FOXK1: variants seen among roughly 807,000 people sequenced by gnomAD.
The protein encoded by FOXK1 is forkhead box K1, also known as forkhead box protein K1.
In FOXK1, 19 loss-of-function variants were observed where a neutral mutation model predicts 51.9. The ratio of observed to expected loss-of-function variants is 0.37; its 90% CI spans 0.26 to 0.54. The LOEUF is 0.54. Among genes scored for constraint, FOXK1 ranks in the 20% least tolerant of loss-of-function variants. The probability of loss-of-function intolerance (pLI) is 0.87; values close to 1 mark genes in which losing one functional copy is unlikely to be tolerated. For missense variants in FOXK1, 870 were observed against 1,032.7 expected (o/e 0.84, Z 2.16); for synonymous variants, 537 against 482.6 (o/e 1.11, Z -1.48).
chr7:4,709,077 A>G lies in FOXK1; in HGVS notation c.560+26209A>G, dbSNP rs1034827967. Among the ~76,000 whole-genome samples, 6 of 151,414 alleles carry G rather than the reference A, an allele frequency of 4.0e-5. No individual in the cohort carries two copies. Among genetic ancestry groups the G allele is most frequent in the Non-Finnish European group, 7.4e-5 (5 of 67,844 alleles). On this transcript the variant is annotated intron_variant, in intron 1 of 8. Coordinates refer to ENST00000328914, the MANE Select transcript of FOXK1 (RefSeq NM_001037165.2). The surrounding 1 kb of genome is among the most constrained non-coding windows in gnomAD (Gnocchi z 5.6). The stretch of plus-strand genomic sequence containing the variant: ...AGACTCTGTCTCAAAAAAAAAAAAA[A>G]AAGAAAAGAAAAGAAAAAGAAAAAC...
At chr7:4,701,028 G>A (rs572117853) in intron 1 of FOXK1, among the ~76,000 whole-genome samples, 18 of 152,292 alleles carry the variant, frequency 1.2e-4, no homozygotes, top group African/African-American at 4.1e-4. Flanking sequence ...GAGCAGACTG[G>A]CCCTCAGGTC....
At chr7:4,720,015 T>G (rs762806081) in intron 1 of FOXK1, among the ~76,000 whole-genome samples, 1 of 152,194 alleles carries the variant, frequency 6.6e-6, no homozygotes, top group Non-Finnish European at 1.5e-5. Context: ...TCCGATGTGT[T>G]GAGTTTTTTC....
At chr7:4,754,870 T>C in intron 3 of FOXK1, 1 of 592,472 alleles carries the variant, frequency 1.7e-6, no homozygotes, top group Non-Finnish European at 3.0e-6. Flanking sequence ...ACGCTCCTTG[T>C]TCATCTGCCG....
chr7:4,710,649 T>C (rs1009314862), intron 1 of FOXK1, among the ~76,000 whole-genome samples: 4 of 152,180 alleles, frequency 2.6e-5, no homozygotes, highest in African/African-American at 9.6e-5. Flanking sequence ...CAGCCGGGTG[T>C]ATGGCCTTCT....
At position 4,768,012 on chromosome 7, in the gene FOXK1, A is replaced by G. The variant is rs1043815352; in HGVS notation, c.*5548A>G. 11 of 147,522 alleles carry G rather than the reference A, an allele frequency of 7.5e-5. No individual in the cohort carries two copies. The highest frequency in any genetic ancestry group is 2.8e-4 in the African/African-American group (11 of 39,670). 9.1% of individuals were successfully genotyped at this position (147,522 alleles called of 1,614,324 possible). A position where few individuals can be genotyped will look rare whatever the true frequency, so the allele number is the denominator to read the frequency against. ...CGTCCTTTCCTCTGTCCTCCCTGTC[A>G]CCCAAACCCCGAAGTCACAGCTGCT... On this transcript the variant is annotated 3_prime_UTR_variant, in exon 9 of 9. Transcript: ENST00000328914.
intron 3 of FOXK1, 40 bp downstream of exon 3, chr7:4,754,655 AGGATCGGG>A: frequency 2.5e-6 from 4 of 1,586,952 alleles, no homozygotes; most frequent in Non-Finnish European, 3.4e-6. Context: ...CTGGTGACCC[AGGATCGGG>A]CCATAGTGAC....
rs1779780944 is a variant in FOXK1, at chr7:4,683,575, T to C, written c.560+707T>C. ...GGGGATCACCCTCAACCCTTCCAGG[T>C]CACCCTGGACCCCCACCAGCTTGGA... On this transcript the variant is annotated intron_variant, in intron 1 of 8. Transcript: ENST00000328914. This position sits in a 1 kb window ranked among gnomAD's most constrained non-coding sequence, Gnocchi z 4.5. Among the ~76,000 whole-genome samples, 1 of 151,406 alleles carries C rather than the reference T, an allele frequency of 6.6e-6. No homozygotes were observed.
At chr7:4,754,321 A>C in intron 2 of FOXK1, 138 bp from the exon 3 acceptor site, 1 of 941,980 alleles carries the variant, frequency 1.1e-6, no homozygotes, top group African/African-American at 1.7e-5. Flanking sequence ...TTGGCCGGGC[A>C]GTGTGGTGGC....
intron 1 of FOXK1, among the ~76,000 whole-genome samples, chr7:4,732,857 G>A (rs1780499396): frequency 6.6e-6 from 1 of 152,204 alleles, no homozygotes; most frequent in African/African-American, 2.4e-5. Context: ...TTACACGTGT[G>A]CCTCTTTCCC....
chr7:4,701,667 C>T (rs868104581), intron 1 of FOXK1, among the ~76,000 whole-genome samples: 5 of 152,028 alleles, frequency 3.3e-5, no homozygotes, highest in Admixed American at 6.5e-5. Flanking sequence ...TCGAGGCGGG[C>T]GGATTATGAG....
At chr7:4,750,343 C>A (rs1172486268) in intron 2 of FOXK1, among the ~76,000 whole-genome samples, 1 of 152,146 alleles carries the variant, frequency 6.6e-6, no homozygotes, top group African/African-American at 2.4e-5. Flanking sequence ...TGGAATTGAG[C>A]TGGTGGTCCC....
intron 2 of FOXK1, among the ~76,000 whole-genome samples, chr7:4,741,645 G>A (rs1326119368): frequency 6.6e-6 from 1 of 152,188 alleles, no homozygotes; most frequent in African/African-American, 2.4e-5. Context: ...ATGTTTTAAA[G>A]TAATATTTGT....
intron 1 of FOXK1, 39 bp from the exon 2 acceptor site, chr7:4,740,799 T>C (rs774861928): frequency 5.0e-5 from 78 of 1,565,062 alleles, no homozygotes; most frequent in Non-Finnish European, 6.5e-5. Flanking sequence ...TTCTTGAGTC[T>C]CCTCCTGCAC....
chr7:4,755,145 G>A lies in FOXK1; in HGVS notation c.904-92G>A. 1 of 1,513,978 alleles carries A rather than the reference G, an allele frequency of 6.6e-7. No homozygotes were observed. The highest frequency in any genetic ancestry group is 1.4e-5 in the African/African-American group (1 of 73,242). The allele number at this position is 1,513,978 out of a possible 1,614,324, so 93.8% of individuals were successfully genotyped here. A position where few individuals can be genotyped will look rare whatever the true frequency, so the allele number is the denominator to read the frequency against. ...GCCGGCAAGACGCGCACATTCTCGTGGGAAGGTTCCTCCCCATCAGCTGTG... is the reference window on the plus strand; with the variant it reads ...GCCGGCAAGACGCGCACATTCTCGTAGGAAGGTTCCTCCCCATCAGCTGTG... On this transcript the variant is annotated intron_variant, in intron 3 of 8. Coordinates refer to ENST00000328914, the MANE Select transcript of FOXK1 (RefSeq NM_001037165.2). The surrounding 1 kb of genome is among the most constrained non-coding windows in gnomAD (Gnocchi z 6.6).
At chr7:4,702,207 CT>C (rs1562371445) in intron 1 of FOXK1, among the ~76,000 whole-genome samples, 1 of 152,208 alleles carries the variant, frequency 6.6e-6, no homozygotes, top group Non-Finnish European at 1.5e-5. Context: ...TTGAGGTCCC[CT>C]GTCCTCCACC....
At chr7:4,759,270 G>T (rs1052347166) in intron 6 of FOXK1, 41 bp from the exon 7 acceptor site, 2 of 1,605,504 alleles carry the variant, frequency 1.2e-6, no homozygotes. Context: ...ACTCGTGGGG[G>T]TGCGGGAGGG....
At chr7:4,739,197 A>G (rs1780596930) in intron 1 of FOXK1, among the ~76,000 whole-genome samples, 1 of 152,238 alleles carries the variant, frequency 6.6e-6, no homozygotes, top group African/African-American at 2.4e-5. Flanking sequence ...TTCCACTACA[A>G]GAGACCTTAG....
At chr7:4,757,792 C>G (rs1450608871) in intron 5 of FOXK1, among the ~76,000 whole-genome samples, 1 of 151,938 alleles carries the variant, frequency 6.6e-6, no homozygotes, top group Admixed American at 6.6e-5. Flanking sequence ...TATGCAAATG[C>G]GACACCATTT....
At chr7:4,754,244 C>T (rs922654942) in intron 2 of FOXK1, among the ~76,000 whole-genome samples, 1 of 152,248 alleles carries the variant, frequency 6.6e-6, no homozygotes, top group African/African-American at 2.4e-5. Flanking sequence ...AGCCCCCGAG[C>T]AGAAGTCACC....
Sources: gnomAD v4.1 joint callset for allele counts (sites outside exome capture counted in the v4.1 genomes callset) on GRCh38, gnomAD v4.1.1 for gene constraint, Gnocchi (gnomAD v3.1) non-coding constraint, MANE v1.5 for transcripts, NCBI Gene and HGNC (gene_info 2026-07-23, HGNC 2026-07-21) for gene names.